Variants in MRPL11 observed in about 807,000 individuals in gnomAD.
MRPL11 encodes large ribosomal subunit protein uL11m.
In MRPL11, 21 loss-of-function variants were observed where a neutral mutation model predicts 19.1. The observed-to-expected ratio is 1.10, with a 90% CI of 0.78 to 1.58. MRPL11 has a LOEUF of 1.58. Among genes scored for constraint, MRPL11 ranks in the 40% most tolerant of loss-of-function variants. The pLI is 0.00. For synonymous variants in MRPL11, 108 were observed against 99.7 expected (o/e 1.08, Z -0.49); for missense variants, 242 against 243.9 (o/e 0.99, Z 0.05).
In MRPL11 at chr11:66,436,013, C is replaced by T; in HGVS notation, c.573G>A (p.Lys191=). 1 of 1,613,326 alleles carries T rather than the reference C, an allele frequency of 6.2e-7. No homozygotes were observed. The highest frequency in any genetic ancestry group is 1.1e-5 in the South Asian group (1 of 90,802). ...GGAGTTGGTGGGGCAAGGGTCACTTCTTGGCAGCTTCTTCTTGGGCAGCCA... is the reference window on the plus strand; with the variant it reads ...GGAGTTGGTGGGGCAAGGGTCACTTTTTGGCAGCTTCTTCTTGGGCAGCCA... ...ADLAAQEEAA[K]K is the part of the protein sequence containing the mutation. The change falls in exon 5 of 5, where the codon AAG becomes AAA. Residue 191 remains lysine, a synonymous_variant. Coordinates refer to ENST00000310999, the MANE Select transcript of MRPL11 (RefSeq NM_016050.5).
intron 1 of MRPL11, 25 bp downstream of exon 1, chr11:66,438,607 C>G (rs1251066539): frequency 2.7e-6 from 4 of 1,487,680 alleles, no homozygotes; most frequent in Middle Eastern, 2.5e-4. Flanking sequence ...ACAACCCCCA[C>G]GTCGGGTTCC....
chr11:66,437,521 C>G, intron 2 of MRPL11, 78 bp from the exon 3 acceptor site: 1 of 1,273,338 alleles, frequency 7.9e-7, no homozygotes, highest in Non-Finnish European at 1.1e-6. Context: ...TTGCCCCCTG[C>G]TTCCTTCATC....
chr11:66,438,655 G>T lies in MRPL11; in HGVS notation c.100C>A (p.Pro34Thr), dbSNP rs1277193943. 8 of 1,559,436 alleles carry T rather than the reference G, an allele frequency of 5.1e-6. No homozygotes were observed. Among genetic ancestry groups the T allele is most frequent in the Non-Finnish European group, 6.1e-6 (7 of 1,150,642 alleles). The change falls in exon 1 of 5, where the codon CCA becomes ACA. Residue 34 changes from proline to threonine, a missense_variant. Pro to Thr is a conservative substitution (Grantham distance 38). Transcript: ENST00000310999. ...ACCTGACCCAGCACTGGGCCTAGTG[G>T]GGGCCCGGGCATGGCCAGGCCTGCC... ...VRAGLAMPGP[P>T]LGPVLGQRGV...
At position 66,437,404 on chromosome 11, in the gene MRPL11, C is replaced by T. The variant is rs770445987; in HGVS notation, c.259G>A (p.Val87Ile). 12 of 1,614,006 alleles carry T rather than the reference C, an allele frequency of 7.4e-6. No individual in the cohort carries two copies. The change falls in exon 3 of 5, where the codon GTT (valine) becomes ATT (isoleucine). Residue 87 changes from valine to isoleucine, a missense_variant. Transcript: ENST00000310999. ...GCTGCTGCCTTCAGGAAGTAGGAAACAGTGGGCTGTCCAATCTTAATTTCA... is the reference window on the plus strand; with the variant it reads ...GCTGCTGCCTTCAGGAAGTAGGAAATAGTGGGCTGTCCAATCTTAATTTCA... ...TFEIKIGQPT[V>I]SYFLKAAAGI... is the part of the protein sequence containing the mutation.
intron 4 of MRPL11, chr11:66,436,713 G>T: frequency 1.2e-6 from 1 of 808,386 alleles, no homozygotes; most frequent in Non-Finnish European, 2.1e-6. Flanking sequence ...GTCATCCGAA[G>T]CCCCATGACA....
intron 4 of MRPL11, chr11:66,436,893 C>T (rs371753160): frequency 5.0e-6 from 8 of 1,614,144 alleles, no homozygotes; most frequent in Middle Eastern, 1.6e-4. Flanking sequence ...TTTCTTAGAA[C>T]ATTTGCAGAA....
chr11:66,438,285 T>A (rs1219561525), intron 1 of MRPL11, 26 bp from the exon 2 acceptor site: 1 of 1,567,306 alleles, frequency 6.4e-7, no homozygotes, highest in African/African-American at 1.4e-5. Flanking sequence ...AGGGGGTTAG[T>A]GGTGAGAGGA....
intron 2 of MRPL11, 148 bp from the exon 3 acceptor site, chr11:66,437,591 G>T (rs1857010997): frequency 1.3e-6 from 1 of 768,614 alleles, no homozygotes; most frequent in Non-Finnish European, 2.1e-6. Flanking sequence ...AATAAATCGG[G>T]GTCAGGCGCA....
chr11:66,435,420 T>G lies in MRPL11; in HGVS notation c.*587A>C, dbSNP rs1211844986. ...CCTGAAGTAGCCCCTGGGATCTGGG[T>G]ACTCCATGTAGTAACCCTGCCTGGG... On this transcript the variant is annotated 3_prime_UTR_variant, in exon 5 of 5. Transcript: ENST00000310999. The G allele has an allele frequency of 6.6e-6, 1 of 152,434 alleles. No individual in the cohort carries two copies. Among genetic ancestry groups the G allele is most frequent in the African/African-American group, 2.4e-5 (1 of 41,452 alleles). The allele number at this position is 152,434 out of a possible 1,614,324, so 9.4% of individuals were successfully genotyped here.
Position 66,438,274 on chromosome 11 carries a change from G to A in MRPL11, c.124-15C>T. On this transcript the variant is annotated splice_polypyrimidine_tract_variant and intron_variant, in intron 1 of 4. Coordinates refer to ENST00000310999, the MANE Select transcript of MRPL11 (RefSeq NM_016050.5). ...GAAACGCCTCTCTGTGAGGGAAGCAGAGGGGGTTAGTGGTGAGAGGAGGGG... is the reference window on the plus strand; with the variant it reads ...GAAACGCCTCTCTGTGAGGGAAGCAAAGGGGGTTAGTGGTGAGAGGAGGGG... 6.3e-7 allele frequency: 1 copy of A among 1,597,446 alleles called. No individual in the cohort carries two copies. The highest frequency in any genetic ancestry group is 8.6e-7 in the Non-Finnish European group (1 of 1,164,802).
At position 66,435,829 on chromosome 11, in the gene MRPL11, G is replaced by A; in HGVS notation, c.*178C>T. ...TCCCTGAGGTCCCAAGATAGAAGAT[G>A]ACAGTGGGTAAGAAAGGATGTTTAT... On this transcript the variant is annotated 3_prime_UTR_variant, in exon 5 of 5. Coordinates refer to ENST00000310999, the MANE Select transcript of MRPL11 (RefSeq NM_016050.5). 1 of 578,008 alleles carries A rather than the reference G, an allele frequency of 1.7e-6. No homozygotes were observed. The highest frequency in any genetic ancestry group is 3.1e-6 in the Non-Finnish European group (1 of 319,064). 35.8% of individuals were successfully genotyped at this position (578,008 alleles called of 1,614,324 possible).
chr11:66,437,598 C>T (rs1590703580), intron 2 of MRPL11, among the ~76,000 whole-genome samples, 155 bp from the exon 3 acceptor site: 1 of 152,146 alleles, frequency 6.6e-6, no homozygotes, highest in African/African-American at 2.4e-5. Flanking sequence ...CGGGGTCAGG[C>T]GCAGTGGTTC....
chr11:66,436,328 C>T (rs1856969138), intron 4 of MRPL11, among the ~76,000 whole-genome samples: 1 of 152,080 alleles, frequency 6.6e-6, no homozygotes, highest in Admixed American at 6.6e-5. Context: ...CTTTTGTTCC[C>T]TTATTAAATC....
At position 66,436,102 on chromosome 11, in the gene MRPL11, C is replaced by T. The variant is rs775817704; in HGVS notation, c.484G>A (p.Glu162Lys). The change falls in exon 5 of 5, where the codon GAA (glutamate) becomes AAA (lysine). Residue 162 changes from glutamate (E) to lysine (K), a missense_variant. Physicochemically the swap from Glu to Lys is moderately conservative, Grantham distance 56 (BLOSUM62 1). Transcript: ENST00000310999. ...GIRVVKDLSS[E>K]ELAAFQKERA... ...TCCTTCTGGAAAGCTGCAAGCTCTT[C>T]TGAACTGAGGCTGCAAGTGAAAAAA... The T allele has an allele frequency of 6.2e-7, 1 of 1,613,682 alleles. No individual in the cohort carries two copies. Among genetic ancestry groups the T allele is most frequent in the East Asian group, 2.2e-5 (1 of 44,884 alleles).
In MRPL11 at chr11:66,438,193, T is replaced by C; in HGVS notation, c.190A>G (p.Ile64Val). The C allele has an allele frequency of 6.2e-7, 1 of 1,613,890 alleles. No individual in the cohort carries two copies. Among genetic ancestry groups the C allele is most frequent in the South Asian group, 1.1e-5 (1 of 91,086 alleles). Residue 64 changes from isoleucine (I) to valine (V), a missense_variant, in exon 2 of 5, where the codon ATT becomes GTT. Transcript: ENST00000310999. Reference protein sequence around the residue: ...NERTKDIKEGIPLPTKILVKP... With the variant: ...NERTKDIKEGVPLPTKILVKP... ...ACTAAAATCTTGGTAGGCAGAGGAA[T>C]GCCTTCCTTGATGTCCTTTGTCCTC...
Position 66,437,208 on chromosome 11 carries a change from G to C in MRPL11, c.369C>G (p.Ile123Met). The change falls in exon 4 of 5, where the codon ATC (isoleucine) becomes ATG (methionine). Residue 123 changes from isoleucine (I) to methionine (M), a missense_variant. Coordinates refer to ENST00000310999, the MANE Select transcript of MRPL11 (RefSeq NM_016050.5). Reference protein sequence around the residue: ...TLKHVYEIARIKAQDEAFALQ... With the variant: ...TLKHVYEIARMKAQDEAFALQ... ...GGGCAAATGCCTCATCCTGAGCTTT[G>C]ATGCGGGCAATCTCATACACATGCT... 2 of 1,614,232 alleles carry C rather than the reference G, an allele frequency of 1.2e-6. No homozygotes were observed. The highest frequency in any genetic ancestry group is 1.7e-6 in the Non-Finnish European group (2 of 1,180,046).
Position 66,438,812 on chromosome 11 carries a change from G to A in MRPL11, c.-58C>T. 2.8e-6 allele frequency: 4 copies of A among 1,407,858 alleles called. No homozygotes were observed. Among genetic ancestry groups the A allele is most frequent in the Admixed American group, 3.1e-5 (1 of 32,448 alleles). The allele number at this position is 1,407,858 out of a possible 1,614,324, so 87.2% of individuals were successfully genotyped here. A position where few individuals can be genotyped will look rare whatever the true frequency, so the allele number is the denominator to read the frequency against. ...GGGAGCAGCAAGAGCGAAGCTCTGGGCGCCACCATCTTGGGCCAGAGGTCA... is the reference window on the plus strand; with the variant it reads ...GGGAGCAGCAAGAGCGAAGCTCTGGACGCCACCATCTTGGGCCAGAGGTCA... On this transcript the variant is annotated 5_prime_UTR_variant, in exon 1 of 5. Transcript: ENST00000310999.
rs368954899 is a variant in MRPL11, at chr11:66,437,114, C to T, written c.463G>A (p.Val155Met). ...TGCCAGGATACTTACTCCTTCACCA[C>T]GCGAATGCCCAGAGAACGGGCAGAC... The part of the protein sequence containing the change: ...IGSARSLGIR[V>M]VKDLSSEELA... Residue 155 changes from valine to methionine, a missense_variant, in exon 4 of 5, where the codon GTG (valine) becomes ATG (methionine). By Grantham distance (21) the Val-to-Met change is conservative. Coordinates refer to ENST00000310999, the MANE Select transcript of MRPL11 (RefSeq NM_016050.5). 9.8e-5 allele frequency: 158 copies of T among 1,614,004 alleles called. No homozygotes were observed. The highest frequency in any genetic ancestry group is 4.9e-4 in the Middle Eastern group (3 of 6,084).
At chr11:66,436,997 C>T (rs901835892) in intron 4 of MRPL11, 107 bp downstream of exon 4, 7 of 1,557,402 alleles carry the variant, frequency 4.5e-6, no homozygotes, top group East Asian at 2.3e-5. Flanking sequence ...ATCTAGGGTC[C>T]CTTGACTTAA....
Sources: gnomAD v4.1 joint callset for allele counts (sites outside exome capture counted in the v4.1 genomes callset) on GRCh38, gnomAD v4.1.1 for gene constraint, MANE v1.5 for transcripts, NCBI Gene and HGNC (gene_info 2026-07-23, HGNC 2026-07-21) for gene names.